GRIA3: variants seen among roughly 807,000 people sequenced by gnomAD.
The protein encoded by GRIA3 is glutamate receptor 3.
In GRIA3, 3 loss-of-function variants were observed where a neutral mutation model predicts 63.0. The observed-to-expected ratio is 0.05, with a 90% confidence interval of 0.02 to 0.12. The LOEUF (loss-of-function observed/expected upper bound fraction) is 0.12. Ranked by LOEUF, GRIA3 falls within the 10% of genes least tolerant of loss-of-function variation. The probability of loss-of-function intolerance (pLI) is 1.00; values close to 1 mark genes in which losing one functional copy is unlikely to be tolerated. For missense variants in GRIA3, 347 were observed against 700.9 expected, an observed-to-expected ratio of 0.50 and a Z score of 5.70; for synonymous variants, 274 against 257.9, an observed-to-expected ratio of 1.06 and a Z score of -0.60.
At chrX:123,415,291 G>A (rs1487452717) in intron 10 of GRIA3, among the ~76,000 whole-genome samples, 3 of 111,999 alleles carry the variant, frequency 2.7e-5, no homozygotes, top group East Asian at 5.6e-4. Context: ...GATTAGTGGA[G>A]AAGGGAAAAA....
At chrX:123,477,707 T>A (rs2045893409) in intron 13 of GRIA3, among the ~76,000 whole-genome samples, 1 of 112,252 alleles carries the variant, frequency 8.9e-6, no homozygotes, top group Admixed American at 9.4e-5. Flanking sequence ...CTTTTATGAA[T>A]GTAGTTCACT....
chrX:123,398,794 T>C lies in GRIA3; in HGVS notation c.1071T>C (p.Ala357=), dbSNP rs1350575455. Residue 357 remains alanine (A), a synonymous_variant, in exon 7 of 16, where the codon GCT becomes GCC. Coordinates refer to ENST00000620443, the MANE Select transcript of GRIA3 (RefSeq NM_007325.5). ...PWSQGIDIER[A]LKMVQVQGMT... ...GTCAAGGAATTGATATTGAGAGAGC[T>C]CTGAAAATGGTAAAGACCACAATGG... 8.3e-7 allele frequency: 1 copy of C among 1,204,974 alleles called. No homozygotes were observed. Among genetic ancestry groups the C allele is most frequent in the Non-Finnish European group, 1.1e-6 (1 of 891,687 alleles).
At chrX:123,460,822 G>A (rs1387478731) in intron 12 of GRIA3, among the ~76,000 whole-genome samples, 1 of 111,622 alleles carries the variant, frequency 9.0e-6, no homozygotes, top group East Asian at 2.8e-4. Context: ...CCTTGACAAT[G>A]TATTTCATTA....
intron 5 of GRIA3, among the ~76,000 whole-genome samples, chrX:123,388,841 A>G (rs2045368138): frequency 9.0e-6 from 1 of 111,058 alleles, no homozygotes; most frequent in African/African-American, 3.3e-5. Context: ...TACTTTTTTG[A>G]TATTGGCAGT....
At chrX:123,197,206 T>C (rs925323974) in intron 2 of GRIA3, among the ~76,000 whole-genome samples, 4 of 111,897 alleles carry the variant, frequency 3.6e-5, no homozygotes, top group Non-Finnish European at 7.5e-5. Context: ...GAGGTTCTTC[T>C]GGATGATGTT....
At chrX:123,346,326 C>A (rs1603104406) in intron 4 of GRIA3, among the ~76,000 whole-genome samples, 1 of 111,621 alleles carries the variant, frequency 9.0e-6, no homozygotes, top group Admixed American at 9.5e-5. Flanking sequence ...TCATTCATAC[C>A]CTCTGTAACT....
At chrX:123,199,274 A>ATTTTT (rs5903635) in intron 2 of GRIA3, among the ~76,000 whole-genome samples, 27 of 78,615 alleles carry the variant, frequency 3.4e-4, no homozygotes, top group East Asian at 8.0e-4. Flanking sequence ...AGTCTTTTAA[A>ATTTTT]TTTTTTTTTT....
intron 3 of GRIA3, among the ~76,000 whole-genome samples, chrX:123,281,844 G>T (rs1277127951): frequency 8.9e-6 from 1 of 111,967 alleles, no homozygotes; most frequent in African/African-American, 3.2e-5. Flanking sequence ...ATAATTTAAT[G>T]ATTACCTGCT....
intron 4 of GRIA3, among the ~76,000 whole-genome samples, chrX:123,348,568 A>G (rs1161723858): frequency 8.9e-6 from 1 of 111,857 alleles, no homozygotes; most frequent in Non-Finnish European, 1.9e-5. Flanking sequence ...TACTCCAAGA[A>G]CAGCATTTGA....
rs187391749 is a variant in GRIA3, at chrX:123,253,776, T to C, written c.508+234T>C. Reference sequence around the variant, plus strand: ...TGAAAAAGCAGTTTGGAATACCTCTTGATTGAGTCACCATAGTTGAAAAAG... The same window carrying C: ...TGAAAAAGCAGTTTGGAATACCTCTCGATTGAGTCACCATAGTTGAAAAAG... On this transcript the variant is annotated intron_variant, in intron 3 of 15. Coordinates refer to ENST00000620443, the MANE Select transcript of GRIA3 (RefSeq NM_007325.5). The C allele has an allele frequency of 4.7e-4, 175 of 376,044 alleles. 1 individual carries two copies. The East Asian group carries it at 7.9e-3, about 17-fold the overall frequency. 31.0% of individuals were successfully genotyped at this position (376,044 alleles called of 1,213,427 possible).
chrX:123,444,484 G>A (rs2045692771), intron 12 of GRIA3, among the ~76,000 whole-genome samples: 1 of 111,420 alleles, frequency 9.0e-6, no homozygotes, highest in African/African-American at 3.3e-5. Context: ...CTGGGTGTGG[G>A]CATTGGGTAA....
intron 11 of GRIA3, among the ~76,000 whole-genome samples, chrX:123,423,144 G>A (rs1476709083): frequency 9.0e-6 from 1 of 111,467 alleles, no homozygotes; most frequent in Non-Finnish European, 1.9e-5. Flanking sequence ...AGAGTTGGGG[G>A]AATTATTACA....
chrX:123,318,006 T>G (rs1203286631), intron 3 of GRIA3, among the ~76,000 whole-genome samples: 1 of 112,660 alleles, frequency 8.9e-6, no homozygotes, highest in Non-Finnish European at 1.9e-5. Context: ...AATTCTTGAC[T>G]TCTGTGCTGC....
intron 2 of GRIA3, among the ~76,000 whole-genome samples, chrX:123,208,158 A>G (rs1206105164): frequency 8.9e-6 from 1 of 112,681 alleles, no homozygotes; most frequent in Admixed American, 9.4e-5. Flanking sequence ...AGAGGCAGTC[A>G]TTTCCCTTGC....
At chrX:123,418,013 C>T (rs1040676819) in intron 11 of GRIA3, 1 of 358,299 alleles carries the variant, frequency 2.8e-6, no homozygotes, top group Non-Finnish European at 4.8e-6. Context: ...TTAAAACAAA[C>T]ATTTGAACTC....
intron 12 of GRIA3, among the ~76,000 whole-genome samples, chrX:123,448,176 G>A (rs761236905): frequency 8.9e-6 from 1 of 112,312 alleles, no homozygotes; most frequent in South Asian, 3.7e-4. Flanking sequence ...CTAGACTCAG[G>A]AGTTCATTTA....
chrX:123,198,651 G>C (rs1458896249), intron 2 of GRIA3, among the ~76,000 whole-genome samples: 2 of 111,235 alleles, frequency 1.8e-5, no homozygotes, highest in Non-Finnish European at 3.8e-5. Flanking sequence ...AAAAAGTGGG[G>C]AAAGAAAGAA....
intron 2 of GRIA3, among the ~76,000 whole-genome samples, chrX:123,201,249 A>C (rs759764750): frequency 1.8e-5 from 2 of 112,161 alleles, no homozygotes; most frequent in Non-Finnish European, 3.8e-5. Context: ...CAGTTTCTTC[A>C]TCTACAAAAT....
At chrX:123,438,080 C>T (rs2045655124) in intron 12 of GRIA3, among the ~76,000 whole-genome samples, 1 of 111,970 alleles carries the variant, frequency 8.9e-6, no homozygotes, top group Non-Finnish European at 1.9e-5. Flanking sequence ...TGTTATGCAA[C>T]CATCATTACT....
Sources: gnomAD v4.1 joint callset for allele counts (sites outside exome capture counted in the v4.1 genomes callset) on GRCh38, gnomAD v4.1.1 for gene constraint, MANE v1.5 for transcripts, NCBI Gene and HGNC (gene_info 2026-07-23, HGNC 2026-07-21) for gene names.